The following ELP1 variants were observed in gnomAD, a reference collection of about 807,000 sequenced individuals.
The protein encoded by ELP1 is elongator complex protein 1.
A neutral mutation model predicts 183.2 loss-of-function variants in ELP1; 131 were observed. That is an observed-to-expected ratio of 0.72 (90% CI 0.62 to 0.83). The LOEUF (loss-of-function observed/expected upper bound fraction) is 0.83, where lower values mean the gene tolerates loss of function less well. ELP1 is among the 40% of genes least tolerant of loss of function. The pLI is 0.00. For missense variants in ELP1, 1,550 were observed against 1,594.9 expected (o/e 0.97, Z 0.48); for synonymous variants, 555 against 569.0 (o/e 0.98, Z 0.35).
Position 108,878,030 on chromosome 9 carries a change from A to C in ELP1, c.3820T>G (p.Trp1274Gly). Reference protein sequence around the residue: ...QLMERSLPEIWTLTYQQNSAT... With the variant: ...QLMERSLPEIGTLTYQQNSAT... ...GAATTCTGCTGGTAAGTAAGAGTCC[A>C]AATTTCTGGAAGTGACCTTTCCATC... The change falls in exon 35 of 37, where the codon TGG becomes GGG. Residue 1274 changes from tryptophan to glycine, a missense_variant. By Grantham distance (184) the Trp-to-Gly change is radical (BLOSUM62 -2). Coordinates refer to ENST00000374647, the MANE Select transcript of ELP1 (RefSeq NM_003640.5). The C allele has an allele frequency of 6.2e-7, 1 of 1,614,228 alleles. No homozygotes were observed. The highest frequency in any genetic ancestry group is 1.1e-5 in the South Asian group (1 of 91,086).
intron 1 of ELP1, among the ~76,000 whole-genome samples, chr9:108,931,994 A>G (rs1830016613): frequency 6.6e-6 from 1 of 152,200 alleles, no homozygotes. Flanking sequence ...TGTGCTAGTT[A>G]TTTATATTCA....
At chr9:108,923,515 C>T (rs1829730510) in intron 5 of ELP1, among the ~76,000 whole-genome samples, 1 of 152,230 alleles carries the variant, frequency 6.6e-6, no homozygotes, top group Non-Finnish European at 1.5e-5. Context: ...TCAGCGATCT[C>T]ACCCTCACCT....
rs1277763126 is a variant in ELP1, at chr9:108,868,038, A to T, written c.*1077T>A. 6.6e-6 allele frequency: 1 copy of T among 152,248 alleles called. No individual in the cohort carries two copies. The highest frequency in any genetic ancestry group is 1.5e-5 in the Non-Finnish European group (1 of 68,042). The allele number at this position is 152,248 out of a possible 1,614,324, so 9.4% of individuals were successfully genotyped here. A position where few individuals can be genotyped will look rare whatever the true frequency, so the allele number is the denominator to read the frequency against. Reference sequence around the variant, plus strand: ...GGAGGTGTTTTGGTCACAGGGGCAGATCCTACGTGAATCGCTTGTGCCATC... The same window carrying T: ...GGAGGTGTTTTGGTCACAGGGGCAGTTCCTACGTGAATCGCTTGTGCCATC... On this transcript the variant is annotated 3_prime_UTR_variant, in exon 37 of 37. Coordinates refer to ENST00000374647, the MANE Select transcript of ELP1 (RefSeq NM_003640.5).
chr9:108,919,142 GC>G (rs1318237413), intron 7 of ELP1, 110 bp downstream of exon 7: 208 of 793,444 alleles, frequency 2.6e-4, no homozygotes, highest in Non-Finnish European at 2.8e-5. Flanking sequence ...GCACATCCTT[GC>G]CTCATATGTA....
At chr9:108,877,960 T>G in intron 35 of ELP1, 35 bp downstream of exon 35, 1 of 1,612,400 alleles carries the variant, frequency 6.2e-7, no homozygotes. Flanking sequence ...ATGAAAATGA[T>G]GAAAAAAATG....
chr9:108,914,017 G>C (rs1038444928), intron 10 of ELP1, among the ~76,000 whole-genome samples: 3 of 152,094 alleles, frequency 2.0e-5, no homozygotes, highest in Non-Finnish European at 4.4e-5. Flanking sequence ...TTGAGATGAA[G>C]CCTGAATATC....
chr9:108,902,130 A>G (rs1828831007), intron 16 of ELP1, among the ~76,000 whole-genome samples: 1 of 152,214 alleles, frequency 6.6e-6, no homozygotes, highest in Non-Finnish European at 1.5e-5. Context: ...TCCAGCCACA[A>G]TACTTCCATC....
chr9:108,878,340 TG>T (rs1216959231), intron 34 of ELP1, among the ~76,000 whole-genome samples, 191 bp from the exon 35 acceptor site: 8 of 152,162 alleles, frequency 5.3e-5, no homozygotes, highest in Non-Finnish European at 1.0e-4. Context: ...TCAAGCACGC[TG>T]GGGGGCCTAC....
chr9:108,899,320 C>G (rs964163258), intron 20 of ELP1, among the ~76,000 whole-genome samples: 2 of 151,644 alleles, frequency 1.3e-5, no homozygotes, highest in African/African-American at 2.4e-5. Context: ...CAAAGAAAAT[C>G]ATCATGGAAT....
rs773477699 is a variant in ELP1 at position 108,882,134 on chromosome 9, A to G, written c.3276T>C (p.Ala1092=). 1.2e-6 allele frequency: 2 copies of G among 1,613,494 alleles called. No homozygotes were observed. The highest frequency in any genetic ancestry group is 2.7e-5 in the African/African-American group (2 of 74,902). ...LLLEGAAWEE[A]LRLVYKYNRL... is the part of the protein sequence containing the mutation. ...TTTACAAGATTCTTACCAGCCTCAA[A>G]GCTTCTTCCCAGGCAGCTCCTTCTA... Residue 1092 remains alanine, a synonymous_variant, in exon 30 of 37, where the codon GCT becomes GCC. Transcript: ENST00000374647.
At chr9:108,914,127 C>A (rs906706195) in intron 10 of ELP1, among the ~76,000 whole-genome samples, 5 of 151,928 alleles carry the variant, frequency 3.3e-5, no homozygotes, top group African/African-American at 1.2e-4. Context: ...TGAGGCCGGG[C>A]ACGGTGGCTC....
intron 11 of ELP1, among the ~76,000 whole-genome samples, chr9:108,911,881 A>G (rs1419732264): frequency 1.3e-5 from 2 of 152,204 alleles, no homozygotes; most frequent in Non-Finnish European, 2.9e-5. Flanking sequence ...TCAGGAAACA[A>G]AGCAACACAA....
chr9:108,874,972 T>C lies in ELP1; in HGVS notation c.3856-2A>G. 1 of 1,601,980 alleles carries C rather than the reference T, an allele frequency of 6.2e-7. No homozygotes were observed. The highest frequency in any genetic ancestry group is 8.6e-7 in the Non-Finnish European group (1 of 1,169,156). On this transcript the variant is annotated splice_acceptor_variant, in intron 35 of 36. Transcript: ENST00000374647. LOFTEE classifies it high-confidence loss of function. ...TGCAGTAGAATTGGGACCTAGAACC[T>C]GAGGAGAAAATAGACTGTATCAGCA...
At chr9:108,881,676 A>G (rs1278746793) in intron 31 of ELP1, 29 bp downstream of exon 31, 1 of 1,393,764 alleles carries the variant, frequency 7.2e-7, no homozygotes, top group Admixed American at 1.7e-5. Context: ...CTTCCAAATG[A>G]GGAATTCTAT....
intron 20 of ELP1, 104 bp downstream of exon 20, chr9:108,899,718 A>T: frequency 1.1e-6 from 1 of 883,134 alleles, no homozygotes; most frequent in Non-Finnish European, 1.9e-6. Context: ...ATAGGTAATG[A>T]GGGCTTTTCA....
intron 20 of ELP1, 126 bp downstream of exon 20, chr9:108,899,696 C>A: frequency 1.4e-6 from 1 of 703,226 alleles, no homozygotes; most frequent in Admixed American, 2.7e-5. Flanking sequence ...CTCTAAGAAT[C>A]TGATTGATGA....
intron 29 of ELP1, among the ~76,000 whole-genome samples, chr9:108,885,601 C>CAAGAGCTGGGAGA (rs1828095580): frequency 6.6e-6 from 1 of 152,168 alleles, no homozygotes; most frequent in Non-Finnish European, 1.5e-5. Context: ...AAATATCTCC[C>CAAGAGCTGGGAGA]AAGAGCTGGG....
At chr9:108,869,944 C>T (rs963796900) in intron 36 of ELP1, among the ~76,000 whole-genome samples, 2 of 152,070 alleles carry the variant, frequency 1.3e-5, no homozygotes, top group East Asian at 1.9e-4. Flanking sequence ...TGGGTGCGGA[C>T]CCCCCTGCAC....
intron 25 of ELP1, 49 bp from the exon 26 acceptor site, chr9:108,894,115 A>G (rs1377572463): frequency 3.4e-6 from 4 of 1,174,198 alleles, no homozygotes; most frequent in Admixed American, 2.0e-5. Context: ...ATTCATATAT[A>G]GGAATAGAAA....
Sources: allele counts gnomAD v4.1 joint callset (sites outside exome capture counted in the v4.1 genomes callset), GRCh38; gene constraint gnomAD v4.1.1; transcripts MANE v1.5; gene names NCBI Gene and HGNC (gene_info 2026-07-23, HGNC 2026-07-21).